RIMS2: variants seen among roughly 807,000 people sequenced by gnomAD.
RIMS2 encodes regulating synaptic membrane exocytosis protein 2.
A neutral mutation model predicts 174.4 loss-of-function variants in RIMS2; 59 were observed. The observed-to-expected ratio is 0.34, with a 90% confidence interval of 0.27 to 0.42. RIMS2 has a LOEUF of 0.42. Ranked by LOEUF, RIMS2 falls within the 10% of genes least tolerant of loss-of-function variation. The pLI is 1.00. For missense variants in RIMS2, 1,620 were observed against 1,666.3 expected (o/e 0.97, Z 0.48); for synonymous variants, 606 against 572.5 (o/e 1.06, Z -0.84).
chr8:103,578,889 AGCT>A (rs2093427021), intron 1 of RIMS2, among the ~76,000 whole-genome samples: 1 of 151,972 alleles, frequency 6.6e-6, no homozygotes, highest in Non-Finnish European at 1.5e-5. Context: ...CTACTCAGGA[AGCT>A]GAGGCAGGAG....
intron 1 of RIMS2, among the ~76,000 whole-genome samples, chr8:103,673,062 C>A (rs534803202): frequency 6.6e-6 from 1 of 152,304 alleles, no homozygotes; most frequent in Admixed American, 6.5e-5. Context: ...CAGTCATTAA[C>A]TCTTAAAGCT....
intron 1 of RIMS2, among the ~76,000 whole-genome samples, chr8:103,581,490 C>T (rs1241014951): frequency 6.6e-6 from 1 of 152,000 alleles, no homozygotes; most frequent in East Asian, 1.9e-4. Flanking sequence ...TAATAAAGGC[C>T]ATATGTGAAA....
At chr8:103,597,949 T>C (rs1279889357) in intron 1 of RIMS2, among the ~76,000 whole-genome samples, 2 of 152,192 alleles carry the variant, frequency 1.3e-5, no homozygotes, top group African/African-American at 2.4e-5. Context: ...CGGAATTTTA[T>C]TTTTAATTAT....
intron 14 of RIMS2, among the ~76,000 whole-genome samples, chr8:103,953,845 AT>A (rs2086231187): frequency 1.3e-5 from 2 of 152,264 alleles, no homozygotes; most frequent in Non-Finnish European, 2.9e-5. Context: ...AGTGTGCTGT[AT>A]TCAGGAGACC....
chr8:103,802,704 G>T (rs945287004), intron 3 of RIMS2, among the ~76,000 whole-genome samples: 2 of 152,096 alleles, frequency 1.3e-5, no homozygotes, highest in African/African-American at 4.8e-5. Context: ...AGACAGGCCT[G>T]GGATGAACCA....
intron 3 of RIMS2, among the ~76,000 whole-genome samples, chr8:103,791,097 A>C (rs935366468): frequency 6.6e-6 from 1 of 152,204 alleles, no homozygotes; most frequent in African/African-American, 2.4e-5. Context: ...CCTCGAGAAG[A>C]GCAACTCCAA....
intron 3 of RIMS2, among the ~76,000 whole-genome samples, chr8:103,839,290 T>C (rs2098925205): frequency 6.6e-6 from 1 of 152,244 alleles, no homozygotes; most frequent in South Asian, 2.1e-4. Context: ...TGTAACATTG[T>C]CTTGCAGGGT....
At position 104,084,362 on chromosome 8, in the gene RIMS2, T is replaced by C. The variant is rs112872560; in HGVS notation, c.3334+69747T>C. Among the ~76,000 whole-genome samples the C allele has an allele frequency of 9.2e-3, 1,291 of 140,960 alleles. 11 individuals are homozygous for C. Among genetic ancestry groups the C allele is most frequent in the African/African-American group, 0.032 (1,188 of 37,036 alleles). The allele number at this position is 140,960 out of a possible 152,430, so 92.5% of individuals were successfully genotyped here. Reference sequence around the variant, plus strand: ...AGGCTGAGGCAGAATTGCTTGAACCTGGCAGGCAGAGGTTGCAGTGAGTCG... The same window carrying C: ...AGGCTGAGGCAGAATTGCTTGAACCCGGCAGGCAGAGGTTGCAGTGAGTCG... On this transcript the variant is annotated intron_variant, in intron 19 of 23. Transcript: ENST00000504942.
exon 6 of RIMS2, chr8:103,912,064 C>G: frequency 6.3e-7 from 1 of 1,592,140 alleles, no homozygotes; most frequent in Non-Finnish European, 8.6e-7. Flanking sequence ...ACCCTGTAAC[C>G]TGGCAACCAT....
chr8:103,905,668 T>G (rs2074226199), intron 4 of RIMS2, among the ~76,000 whole-genome samples: 1 of 151,954 alleles, frequency 6.6e-6, no homozygotes, highest in African/African-American at 2.4e-5. Flanking sequence ...AATACTTTTT[T>G]TTTTTTTAGC....
At chr8:104,135,079 G>T (rs1401909010) in intron 19 of RIMS2, among the ~76,000 whole-genome samples, 1 of 152,108 alleles carries the variant, frequency 6.6e-6, no homozygotes, top group Non-Finnish European at 1.5e-5. Flanking sequence ...AAAACTTCAT[G>T]TATATGGTAT....
chr8:104,080,117 G>C (rs904394270), intron 19 of RIMS2, among the ~76,000 whole-genome samples: 2 of 151,948 alleles, frequency 1.3e-5, no homozygotes, highest in Non-Finnish European at 2.9e-5. Flanking sequence ...TGAGAAGATT[G>C]GGCTTCTAAC....
In RIMS2 at chr8:104,251,834, ATTG is replaced by A. The variant is rs1201559299; in HGVS notation, c.*19_*21del. The A allele has an allele frequency of 4.9e-6, 7 of 1,418,318 alleles. No homozygotes were observed. The African/African-American group carries it at 7.7e-5, about 16-fold the overall frequency. The allele number at this position is 1,418,318 out of a possible 1,614,324, so 87.9% of individuals were successfully genotyped here. On this transcript the variant is annotated 3_prime_UTR_variant, in exon 24 of 24. Transcript: ENST00000504942. ...TCTCGTTCATAGCAGCTGTAAAAAA[ATTG>A]TTGTCACAGCAACCAGCGTTACAAA...
intron 19 of RIMS2, among the ~76,000 whole-genome samples, chr8:104,064,626 T>C (rs1203072720): frequency 6.6e-6 from 1 of 152,040 alleles, no homozygotes; most frequent in Non-Finnish European, 1.5e-5. Context: ...AACTCTAGCA[T>C]TTATGAAACA....
At chr8:104,219,018 AC>A (rs993906442) in intron 19 of RIMS2, among the ~76,000 whole-genome samples, 1 of 152,196 alleles carries the variant, frequency 6.6e-6, no homozygotes, top group Non-Finnish European at 1.5e-5. Flanking sequence ...TCAGGAATAA[AC>A]TAATTTCACG....
chr8:104,082,235 T>A lies in RIMS2; in HGVS notation c.3334+67620T>A, dbSNP rs182260336. Among the ~76,000 whole-genome samples, 193 of 151,260 alleles carry A rather than the reference T, an allele frequency of 1.3e-3. 1 individual carries two copies. Among genetic ancestry groups the A allele is most frequent in the Non-Finnish European group, 2.4e-3 (162 of 67,706 alleles). On this transcript the variant is annotated intron_variant, in intron 19 of 23. Coordinates refer to ENST00000504942, the Ensembl canonical transcript of RIMS2. Reference sequence around the variant, plus strand: ...GGAAAAAAGAAAAGGAAAAAGAGAATTAAAGGAAGGAGAGAGGGAAAGAAT... The same window carrying A: ...GGAAAAAAGAAAAGGAAAAAGAGAAATAAAGGAAGGAGAGAGGGAAAGAAT...
chr8:104,114,016 G>T (rs1409286584), intron 19 of RIMS2, among the ~76,000 whole-genome samples: 1 of 151,624 alleles, frequency 6.6e-6, no homozygotes, highest in Admixed American at 6.6e-5. Flanking sequence ...TTTTAATGTG[G>T]GTTGAATAGT....
intron 19 of RIMS2, among the ~76,000 whole-genome samples, chr8:104,185,329 C>A (rs1290488758): frequency 6.6e-6 from 1 of 151,380 alleles, no homozygotes; most frequent in Non-Finnish European, 1.5e-5. Context: ...TCTCTGTAAC[C>A]TTTCAAAGCT....
At chr8:104,165,340 C>T (rs1490447414) in intron 19 of RIMS2, among the ~76,000 whole-genome samples, 1 of 152,158 alleles carries the variant, frequency 6.6e-6, no homozygotes, top group East Asian at 1.9e-4. Flanking sequence ...GGTTTACATA[C>T]TGGATTATTC....
Sources: allele counts gnomAD v4.1 joint callset (sites outside exome capture counted in the v4.1 genomes callset), GRCh38; gene constraint gnomAD v4.1.1; transcripts MANE v1.5; gene names NCBI Gene and HGNC (gene_info 2026-07-23, HGNC 2026-07-21).